The following L3MBTL4 variants were observed in gnomAD, a reference collection of about 807,000 sequenced individuals.
L3MBTL4 encodes the protein L3MBTL histone methyl-lysine binding protein 4, also known as lethal(3)malignant brain tumor-like protein 4.
Under a neutral mutation model 84.5 loss-of-function variants are expected in L3MBTL4, and 70 were observed. The observed-to-expected ratio is 0.83, with a 90% confidence interval of 0.68 to 1.01. The LOEUF (loss-of-function observed/expected upper bound fraction) is 1.01, where lower values mean the gene tolerates loss of function less well. Among genes scored for constraint, L3MBTL4 ranks in the 50% least tolerant of loss-of-function variants. L3MBTL4 has a pLI of 0.00. For synonymous variants in L3MBTL4, 274 were observed against 259.8 expected, an observed-to-expected ratio of 1.05 and a Z score of -0.52; for missense variants, 715 against 754.8, an observed-to-expected ratio of 0.95 and a Z score of 0.62.
At chr18:6,323,849 G>A (rs1347834097) in intron 1 of L3MBTL4, among the ~76,000 whole-genome samples, 1 of 152,214 alleles carries the variant, frequency 6.6e-6, no homozygotes, top group Non-Finnish European at 1.5e-5. Context: ...TAGAAAAGAG[G>A]AGCCAGATCC....
chr18:6,268,810 G>T (rs1240782328), intron 4 of L3MBTL4, among the ~76,000 whole-genome samples: 1 of 152,008 alleles, frequency 6.6e-6, no homozygotes, highest in Non-Finnish European at 1.5e-5. Context: ...GTACTGATTG[G>T]GATATGTGTA....
chr18:6,140,627 A>C (rs1485961007), intron 13 of L3MBTL4, among the ~76,000 whole-genome samples: 1 of 151,684 alleles, frequency 6.6e-6, no homozygotes, highest in Non-Finnish European at 1.5e-5. Context: ...CCCCTCTCCA[A>C]AGCAAATCCC....
At chr18:6,319,991 T>C (rs1292168623) in intron 1 of L3MBTL4, among the ~76,000 whole-genome samples, 1 of 151,836 alleles carries the variant, frequency 6.6e-6, no homozygotes, top group East Asian at 1.9e-4. Context: ...ATTTAACACA[T>C]GCAAGTTAAT....
At chr18:6,263,247 G>A (rs1177655709) in intron 5 of L3MBTL4, among the ~76,000 whole-genome samples, 1 of 139,952 alleles carries the variant, frequency 7.1e-6, no homozygotes, top group African/African-American at 2.7e-5. Context: ...CCAGCCTGGC[G>A]ATAGAGCCAG....
At chr18:6,290,123 G>A (rs926299491) in intron 4 of L3MBTL4, among the ~76,000 whole-genome samples, 1 of 152,030 alleles carries the variant, frequency 6.6e-6, no homozygotes, top group South Asian at 2.1e-4. Flanking sequence ...GGTCTCACTA[G>A]GTTGCCCAGG....
At chr18:6,205,994 G>A (rs139065543) in intron 12 of L3MBTL4, among the ~76,000 whole-genome samples, 280 of 152,326 alleles carry the variant, frequency 1.8e-3, no homozygotes, top group African/African-American at 6.5e-3. Context: ...TGAAGGAATA[G>A]AGTGAGTACA....
At chr18:5,980,910 T>C (rs1295633697) in intron 16 of L3MBTL4, among the ~76,000 whole-genome samples, 1 of 152,218 alleles carries the variant, frequency 6.6e-6, no homozygotes, top group African/African-American at 2.4e-5. Flanking sequence ...CCTGGGCTGA[T>C]TTGTGTTCCC....
At chr18:6,035,587 C>T (rs969457740) in intron 16 of L3MBTL4, among the ~76,000 whole-genome samples, 24 of 152,264 alleles carry the variant, frequency 1.6e-4, no homozygotes, top group African/African-American at 5.8e-4. Flanking sequence ...TAGTGTGATG[C>T]CTCTGGCTTT....
intron 13 of L3MBTL4, among the ~76,000 whole-genome samples, chr18:6,155,377 C>T (rs903950242): frequency 1.3e-5 from 2 of 152,096 alleles, no homozygotes; most frequent in African/African-American, 2.4e-5. Flanking sequence ...CATAGTAGGG[C>T]GAGGCTACTG....
At chr18:5,958,016 G>GTA (rs2095237675) in intron 18 of L3MBTL4, among the ~76,000 whole-genome samples, 1 of 137,384 alleles carries the variant, frequency 7.3e-6, no homozygotes, top group East Asian at 2.2e-4. Context: ...AGGAGGAGGA[G>GTA]GAGAAGGAGA....
intron 13 of L3MBTL4, among the ~76,000 whole-genome samples, chr18:6,154,909 G>T (rs1242865013): frequency 6.6e-6 from 1 of 152,042 alleles, no homozygotes; most frequent in Non-Finnish European, 1.5e-5. Context: ...TACAAAATAG[G>T]TCCATTGACA....
chr18:6,182,117 C>G (rs997834807), intron 12 of L3MBTL4, among the ~76,000 whole-genome samples: 1 of 152,234 alleles, frequency 6.6e-6, no homozygotes, highest in Admixed American at 6.5e-5. Context: ...TTCCCACCAG[C>G]AGTGTATAAG....
chr18:6,244,356 C>G (rs1041149475), intron 6 of L3MBTL4, 128 bp downstream of exon 6: 2 of 553,200 alleles, frequency 3.6e-6, no homozygotes, highest in African/African-American at 3.9e-5. Context: ...TCACCCATCG[C>G]TGACTAAAAT....
intron 14 of L3MBTL4, among the ~76,000 whole-genome samples, chr18:6,134,770 T>A (rs2059981941): frequency 6.6e-6 from 1 of 152,190 alleles, no homozygotes; most frequent in African/African-American, 2.4e-5. Context: ...TCCTGGCTGC[T>A]TTCATAGGCT....
chr18:6,202,652 C>T (rs922649154), intron 12 of L3MBTL4, among the ~76,000 whole-genome samples: 8 of 152,102 alleles, frequency 5.3e-5, no homozygotes, highest in South Asian at 2.1e-4. Context: ...CCATTGACTA[C>T]GGCGGTTGAC....
intron 14 of L3MBTL4, among the ~76,000 whole-genome samples, chr18:6,121,631 T>C (rs1271811479): frequency 1.3e-5 from 2 of 150,718 alleles, no homozygotes; most frequent in East Asian, 1.9e-4. Context: ...GACATTCAAG[T>C]AGATTCTTTT....
At chr18:6,407,887 A>G (rs539033614) in intron 1 of L3MBTL4, among the ~76,000 whole-genome samples, 1 of 152,346 alleles carries the variant, frequency 6.6e-6, no homozygotes, top group Admixed American at 6.5e-5. Context: ...ACAACAGTAC[A>G]TCGTGGTAGG....
At chr18:6,176,108 T>C (rs1291810857) in intron 12 of L3MBTL4, among the ~76,000 whole-genome samples, 1 of 152,124 alleles carries the variant, frequency 6.6e-6, no homozygotes, top group Non-Finnish European at 1.5e-5. Context: ...TCAATATTAT[T>C]ATTGATATGT....
At position 5,955,514 on chromosome 18, in the gene L3MBTL4, GTC is replaced by G. The variant is rs1298426536; in HGVS notation, c.*704_*705del. 6 of 152,208 alleles carry G rather than the reference GTC, an allele frequency of 3.9e-5. No individual in the cohort carries two copies. The highest frequency in any genetic ancestry group is 7.2e-5 in the African/African-American group (3 of 41,432). The allele number at this position is 152,208 out of a possible 1,614,324, so 9.4% of individuals were successfully genotyped here. On this transcript the variant is annotated 3_prime_UTR_variant, in exon 19 of 19. Transcript: ENST00000317931. Reference sequence around the variant, plus strand: ...CTGATGGTGGAGGGTCCTCAGAAGGGTCTCTCCAGCTTTTGGAAGTGCCCACC... The same window carrying G: ...CTGATGGTGGAGGGTCCTCAGAAGGGTCTCCAGCTTTTGGAAGTGCCCACC...
Sources: allele counts gnomAD v4.1 joint callset (sites outside exome capture counted in the v4.1 genomes callset), GRCh38; gene constraint gnomAD v4.1.1; transcripts MANE v1.5; gene names NCBI Gene and HGNC (gene_info 2026-07-23, HGNC 2026-07-21).